IGSF22: variants seen among roughly 807,000 people sequenced by gnomAD.
IGSF22 encodes the protein immunoglobulin superfamily, member 22.
IGSF22 carries 119 observed loss-of-function variants against 127.0 expected under a neutral mutation model. That is an observed-to-expected ratio of 0.94 (90% CI 0.81 to 1.09). The LOEUF (loss-of-function observed/expected upper bound fraction) is 1.09, where lower values mean the gene tolerates loss of function less well. Among genes scored for constraint, IGSF22 ranks in the 50% least tolerant of loss-of-function variants. IGSF22 has a pLI of 0.00. For missense variants in IGSF22, 1,518 were observed against 1,716.6 expected (o/e 0.88, Z 2.04); for synonymous variants, 568 against 664.7 (o/e 0.85, Z 2.24).
In IGSF22 at chr11:18,709,911, A is replaced by T. The variant is rs1848319087; in HGVS notation, c.2702-228T>A. The stretch of plus-strand genomic sequence containing the variant: ...CTTAAACTCAATACCCCTTAAATTC[A>T]ACATACCCCACATATTCAAAGCTTC... On this transcript the variant is annotated intron_variant, in intron 17 of 22. Coordinates refer to ENST00000513874, the MANE Select transcript of IGSF22 (RefSeq NM_173588.4). This position sits in a 1 kb window ranked among gnomAD's most constrained non-coding sequence, Gnocchi z 4.8. Among the ~76,000 whole-genome samples the T allele has an allele frequency of 6.6e-6, 1 of 152,088 alleles. No homozygotes were observed. The highest frequency in any genetic ancestry group is 2.1e-4 in the South Asian group (1 of 4,818).
chr11:18,706,528 CGA>C, intron 21 of IGSF22: 1 of 347,796 alleles, frequency 2.9e-6, no homozygotes, highest in Middle Eastern at 8.1e-4. Flanking sequence ...CTCCTCAGTT[CGA>C]GTTTCCCGAC....
chr11:18,717,936 A>T lies in IGSF22; in HGVS notation c.968T>A (p.Val323Glu). Residue 323 changes from valine (V) to glutamate (E), a missense_variant, in exon 9 of 23, where the codon GTG (valine) becomes GAG (glutamate). Val to Glu is a moderately radical substitution (Grantham distance 121, BLOSUM62 -2). This residue lies in a region of IGSF22 where 1,456 missense variants were observed against 1,644.9 expected (regional missense o/e 0.89). Transcript: ENST00000513874. ...TTGCATGCCCCCACTCATACCCAGC[A>T]CTGTGAGCTCTGCACTCATCCGCTT... Reference protein sequence around the residue: ...GDKRMSAELTVLDEPLKFLGE... With the variant: ...GDKRMSAELTELDEPLKFLGE... 1 of 1,613,706 alleles carries T rather than the reference A, an allele frequency of 6.2e-7. No homozygotes were observed. Among genetic ancestry groups the T allele is most frequent in the Non-Finnish European group, 8.5e-7 (1 of 1,179,780 alleles).
At position 18,714,662 on chromosome 11, in the gene IGSF22, T is replaced by C. The variant is rs368326626; in HGVS notation, c.1532-38A>G. 10 of 1,609,884 alleles carry C rather than the reference T, an allele frequency of 6.2e-6. No individual in the cohort carries two copies. The African/African-American group carries it at 1.3e-4, about 21-fold the overall frequency. The stretch of plus-strand genomic sequence containing the variant: ...GTGGGCAAGGGACTGGCTCAGGATG[T>C]TGGGGTGGGAGGGACTTCTGGGAAA... On this transcript the variant is annotated intron_variant, in intron 11 of 22. Transcript: ENST00000513874.
In IGSF22 at chr11:18,706,109, C is replaced by G. The variant is rs1301194152; in HGVS notation, c.3618G>C (p.Lys1206Asn). The G allele has an allele frequency of 6.5e-7, 1 of 1,546,136 alleles. No homozygotes were observed. The highest frequency in any genetic ancestry group is 2.4e-5 in the East Asian group (1 of 40,900). The change falls in exon 22 of 23, where the codon AAG becomes AAC. Residue 1206 changes from lysine to asparagine, a missense_variant. This residue lies in a region of IGSF22 where 1,456 missense variants were observed against 1,644.9 expected (regional missense o/e 0.89). Coordinates refer to ENST00000513874, the MANE Select transcript of IGSF22 (RefSeq NM_173588.4). The part of the protein sequence containing the change: ...DLSAKLKPYE[K>N]KDWRHAPRFV... ...AGCGCGGCGCGTGGCGCCAGTCCTT[C>G]TTCTCGTAGGGCTTGAGCTTGGCGC...
Position 18,710,714 on chromosome 11 carries a change from A to G in IGSF22, c.2513T>C (p.Val838Ala). Reference sequence around the variant, plus strand: ...GTTGCTGCCTTTCTTCCTTCGTTCTACAATGTAGCCGAGCACTGGGGCTCC... The same window carrying G: ...GTTGCTGCCTTTCTTCCTTCGTTCTGCAATGTAGCCGAGCACTGGGGCTCC... ...DGGAPVLGYI[V>A]ERRKKGSNLW... The change falls in exon 16 of 23, where the codon GTA becomes GCA. Residue 838 changes from valine to alanine, a missense_variant. By Grantham distance (64) the Val-to-Ala change is moderately conservative (BLOSUM62 0). Transcript: ENST00000513874. 6.2e-7 allele frequency: 1 copy of G among 1,614,130 alleles called. No individual in the cohort carries two copies. Among genetic ancestry groups the G allele is most frequent in the South Asian group, 1.1e-5 (1 of 91,076 alleles).
In IGSF22 at chr11:18,710,663, GGGT is replaced by G; in HGVS notation, c.2561_2563del (p.Asp854_Pro855delinsAla). 6.2e-7 allele frequency: 1 copy of G among 1,612,216 alleles called. No homozygotes were observed. Among genetic ancestry groups the G allele is most frequent in the South Asian group, 1.1e-5 (1 of 91,036 alleles). ...TGTTCCAAGGACCTCACCCTGGATG[GGGT>G]CCTTGTTGACTGGCACCCACAGGTT... On this transcript the variant is annotated inframe_deletion, in exon 16 of 23. Transcript: ENST00000513874.
intron 9 of IGSF22, among the ~76,000 whole-genome samples, chr11:18,717,245 G>C (rs946536547): frequency 2.0e-5 from 3 of 152,126 alleles, no homozygotes; most frequent in African/African-American, 7.2e-5. Context: ...TATGTTCCAG[G>C]CACCATCCTA....
At chr11:18,710,031 A>T (rs563353275) in intron 17 of IGSF22, among the ~76,000 whole-genome samples, 68 of 152,052 alleles carry the variant, frequency 4.5e-4, no homozygotes, top group South Asian at 6.2e-4. Context: ...ACACCCTCCA[A>T]CCATCTACCT....
intron 2 of IGSF22, 127 bp downstream of exon 2, chr11:18,724,001 G>GT: frequency 1.5e-6 from 1 of 651,528 alleles, no homozygotes; most frequent in Non-Finnish European, 2.8e-6. Context: ...CGTTGGGTGG[G>GT]GGTTGCTGTT....
At chr11:18,721,889 G>A in intron 3 of IGSF22, 21 bp downstream of exon 3, 1 of 1,611,364 alleles carries the variant, frequency 6.2e-7, no homozygotes, top group Non-Finnish European at 8.5e-7. Context: ...GGAGCCCGGT[G>A]AGCCACAGGC....
Position 18,714,624 on chromosome 11 carries a change from T to C in IGSF22, c.1532A>G (p.Glu511Gly). 3.7e-6 allele frequency: 6 copies of C among 1,613,818 alleles called. No individual in the cohort carries two copies. The highest frequency in any genetic ancestry group is 5.1e-6 in the Non-Finnish European group (6 of 1,180,024). ...CCCGCTCTTCACTGTGGCCAGACGC[T>C]CTGGGGAGAAAGGTGGGCAAGGGAC... is the stretch of plus-strand genomic sequence containing the variant. ...YYSTAIVTVE[E>G]RLATVKSGMS... The change falls in exon 12 of 23, where the codon GAG becomes GGG. Residue 511 changes from glutamate to glycine, a missense_variant and splice_region_variant. Physicochemically the swap from Glu to Gly is moderately conservative, Grantham distance 98. Around this residue, in one of 3 missense-constraint regions of IGSF22, gnomAD observed 1,456 missense variants for 1,644.9 expected, o/e 0.89. Coordinates refer to ENST00000513874, the MANE Select transcript of IGSF22 (RefSeq NM_173588.4).
intron 4 of IGSF22, among the ~76,000 whole-genome samples, chr11:18,720,525 T>TC (rs1035101558): frequency 3.3e-5 from 5 of 152,286 alleles, no homozygotes; most frequent in African/African-American, 7.2e-5. Context: ...CATCGGACTC[T>TC]CCCCCTTGGC....
chr11:18,710,490 G>A (rs745982660), intron 16 of IGSF22, 35 bp from the exon 17 acceptor site: 1 of 1,612,466 alleles, frequency 6.2e-7, no homozygotes, highest in East Asian at 2.2e-5. Context: ...TGAGGCCAGA[G>A]GCATCCATGG....
In IGSF22 at chr11:18,726,056, G is replaced by A. The variant is rs1264377355; in HGVS notation, c.-34+18C>T. 4 of 152,376 alleles carry A rather than the reference G, an allele frequency of 2.6e-5. No homozygotes were observed. In the East Asian group the frequency reaches 7.7e-4, roughly 29 times the overall value. The allele number at this position is 152,376 out of a possible 1,614,324, so 9.4% of individuals were successfully genotyped here. A position where few individuals can be genotyped will look rare whatever the true frequency, so the allele number is the denominator to read the frequency against. On this transcript the variant is annotated intron_variant, in intron 1 of 22. Transcript: ENST00000513874. ...TGGTCAGCTTTGTCCCCTTCCTGAGGGAGGAGGGGAGCCTTACCTTCAGCA... is the reference window on the plus strand; with the variant it reads ...TGGTCAGCTTTGTCCCCTTCCTGAGAGAGGAGGGGAGCCTTACCTTCAGCA...
rs1391759380 is a variant in IGSF22, at chr11:18,714,315, G to C, written c.1760C>G (p.Ala587Gly). ...PEHEGKYTFR[A>G]KGTESEASVF... ...AGAGGCTTCACTTTCCGTGCCCTTG[G>C]CCCGGAATGTGTACTTGCCCTCGTG... The change falls in exon 13 of 23, where the codon GCC becomes GGC. Residue 587 changes from alanine (A) to glycine (G), a missense_variant. Coordinates refer to ENST00000513874, the MANE Select transcript of IGSF22 (RefSeq NM_173588.4). The C allele has an allele frequency of 5.6e-6, 9 of 1,614,092 alleles. No individual in the cohort carries two copies. The Admixed American group carries it at 1.3e-4, about 24-fold the overall frequency.
chr11:18,722,179 T>C (rs377053090), intron 2 of IGSF22, 138 bp from the exon 3 acceptor site: 26 of 991,562 alleles, frequency 2.6e-5, no homozygotes, highest in Non-Finnish European at 3.9e-5. Flanking sequence ...ACCAGCTACA[T>C]GGGGAGAAAG....
At chr11:18,720,009 G>A (rs558649532) in intron 6 of IGSF22, 55 bp downstream of exon 6, 2 of 1,611,230 alleles carry the variant, frequency 1.2e-6, no homozygotes, top group East Asian at 2.2e-5. Context: ...CCTTTGAGAG[G>A]CTTTGGCCTG....
intron 6 of IGSF22, 50 bp downstream of exon 6, chr11:18,720,014 G>T (rs759688804): frequency 6.2e-7 from 1 of 1,611,900 alleles, no homozygotes; most frequent in Non-Finnish European, 8.5e-7. Context: ...GAGAGGCTTT[G>T]GCCTGGATGA....
Position 18,705,863 on chromosome 11 carries a change from C to T in IGSF22, c.3864G>A (p.Glu1288=). Residue 1288 remains glutamate (E), a synonymous_variant, in exon 22 of 23, where the codon GAG becomes GAA. Transcript: ENST00000513874. ...TGCTGCGGTCCTTGCCCAGCTCGTT[C>T]TCCACCAGCACGCTGTAATCGCCGC... is the stretch of plus-strand genomic sequence containing the variant. ...KDSGDYSVLV[E]NELGKDRSSC... 4 of 1,551,184 alleles carry T rather than the reference C, an allele frequency of 2.6e-6. No individual in the cohort carries two copies. The highest frequency in any genetic ancestry group is 3.5e-6 in the Non-Finnish European group (4 of 1,146,948).
Sources: allele counts gnomAD v4.1 joint callset (sites outside exome capture counted in the v4.1 genomes callset), GRCh38; gene constraint gnomAD v4.1.1; regional missense constraint gnomAD v4.1.1; non-coding constraint Gnocchi (gnomAD v3.1); transcripts MANE v1.5; gene names NCBI Gene and HGNC (gene_info 2026-07-23, HGNC 2026-07-21).